The following LIPA variants were observed in gnomAD, a reference collection of about 807,000 sequenced individuals.
LIPA encodes the protein lipase A, lysosomal acid type.
Under a neutral mutation model 40.6 loss-of-function variants are expected in LIPA, and 26 were observed. The ratio of observed to expected loss-of-function variants is 0.64; its 90% CI spans 0.47 to 0.89. The LOEUF (loss-of-function observed/expected upper bound fraction) is 0.89, where lower values mean the gene tolerates loss of function less well. Ranked by LOEUF, LIPA falls within the 40% of genes least tolerant of loss-of-function variation. The pLI is 0.00. For synonymous variants in LIPA, 188 were observed against 168.4 expected, an observed-to-expected ratio of 1.12 and a Z score of -0.90; for missense variants, 455 against 479.6, an observed-to-expected ratio of 0.95 and a Z score of 0.48.
intron 1 of LIPA, among the ~76,000 whole-genome samples, chr10:89,323,152 ATG>A (rs1334205617): frequency 1.3e-5 from 2 of 152,236 alleles, no homozygotes; most frequent in Admixed American, 1.3e-4. Context: ...AAATCAATAA[ATG>A]TGATTCACCA....
At chr10:89,295,342 A>G (rs1244482156) in intron 1 of LIPA, among the ~76,000 whole-genome samples, 2 of 152,226 alleles carry the variant, frequency 1.3e-5, no homozygotes, top group African/African-American at 4.8e-5. Flanking sequence ...TTAAAAATAG[A>G]CTCAAAACAA....
At chr10:89,295,864 C>T (rs555611981) in intron 1 of LIPA, among the ~76,000 whole-genome samples, 1 of 152,284 alleles carries the variant, frequency 6.6e-6, no homozygotes, top group Admixed American at 6.5e-5. Context: ...TTTGCAATCA[C>T]ATTGCATGCA....
upstream of LIPA, among the ~76,000 whole-genome samples, chr10:89,346,007 C>T (rs117745566): frequency 7.9e-5 from 12 of 152,068 alleles, no homozygotes; most frequent in Non-Finnish European, 1.6e-4. Flanking sequence ...CTTTTAAGTG[C>T]CTTTGAGGCA....
At chr10:89,302,789 G>A (rs567397984) in intron 1 of LIPA, among the ~76,000 whole-genome samples, 1 of 152,240 alleles carries the variant, frequency 6.6e-6, no homozygotes, top group South Asian at 2.1e-4. Flanking sequence ...TGGAGAGGAA[G>A]TGTTAGCTCA....
At chr10:89,263,690 C>T (rs1843221474) in intron 1 of LIPA, among the ~76,000 whole-genome samples, 1 of 152,258 alleles carries the variant, frequency 6.6e-6, no homozygotes, top group South Asian at 2.1e-4. Flanking sequence ...GCTGTTGGCA[C>T]CTTTGCCTGA....
At chr10:89,404,029 CCT>C in intron 2 of LIPA, 1 of 198,318 alleles carries the variant, frequency 5.0e-6, no homozygotes, top group South Asian at 1.4e-4. Context: ...AAAATAAAAT[CCT>C]TAGCTCCTCC....
intron 1 of LIPA, among the ~76,000 whole-genome samples, chr10:89,320,959 C>A (rs1277673638): frequency 1.2e-4 from 18 of 151,900 alleles, no homozygotes; most frequent in East Asian, 5.8e-4. Context: ...CAAAAACAAG[C>A]AATGGGGAAA....
chr10:89,345,133 C>CTCCA (rs1275772580), upstream of LIPA, among the ~76,000 whole-genome samples: 4 of 151,762 alleles, frequency 2.6e-5, no homozygotes, highest in Non-Finnish European at 4.4e-5. Flanking sequence ...CACCACTGCA[C>CTCCA]TCCAGCCTGG....
At chr10:89,258,456 C>CT (rs1843191732) in intron 1 of LIPA, among the ~76,000 whole-genome samples, 1 of 151,984 alleles carries the variant, frequency 6.6e-6, no homozygotes, top group African/African-American at 2.4e-5. Context: ...AGTAAAATAA[C>CT]TTTTTTTTCT....
chr10:89,289,486 C>A (rs1029984917), intron 1 of LIPA, among the ~76,000 whole-genome samples: 1 of 152,204 alleles, frequency 6.6e-6, no homozygotes, highest in African/African-American at 2.4e-5. Flanking sequence ...AAACTAAAAT[C>A]CCTTTTGGTC....
Position 89,247,542 on chromosome 10 carries a change from T to C in LIPA, c.107A>G (p.Asn36Ser). The C allele has an allele frequency of 6.3e-7, 1 of 1,592,692 alleles. No homozygotes were observed. Among genetic ancestry groups the C allele is most frequent in the Non-Finnish European group, 8.6e-7 (1 of 1,160,512 alleles). Residue 36 changes from asparagine to serine, a missense_variant, in exon 2 of 10, where the codon AAT (asparagine) becomes AGT (serine). Coordinates refer to ENST00000336233, the MANE Select transcript of LIPA (RefSeq NM_000235.4). Reference protein sequence around the residue: ...LTAVDPETNMNVSEIISYWGF... With the variant: ...LTAVDPETNMSVSEIISYWGF... Reference sequence around the variant, plus strand: ...ACATAACTTTGAGAAACTTACCACATTCATGTTTGTTTCAGGATCCACAGC... The same window carrying C: ...ACATAACTTTGAGAAACTTACCACACTCATGTTTGTTTCAGGATCCACAGC...
intron 2 of LIPA, chr10:89,392,557 C>A: frequency 3.6e-6 from 2 of 562,546 alleles, no homozygotes; most frequent in Non-Finnish European, 6.1e-6. Flanking sequence ...CAAGGACACA[C>A]CCACAGCTTA....
At chr10:89,284,764 C>T (rs1024799122) in intron 1 of LIPA, among the ~76,000 whole-genome samples, 1 of 152,210 alleles carries the variant, frequency 6.6e-6, no homozygotes, top group Non-Finnish European at 1.5e-5. Flanking sequence ...TACCCTGTGA[C>T]CTGCACGTAT....
At chr10:89,383,376 T>C (rs1018832402) in intron 2 of LIPA, 9 of 1,614,238 alleles carry the variant, frequency 5.6e-6, no homozygotes, top group Non-Finnish European at 7.6e-6. Flanking sequence ...GATGTCACTT[T>C]ACATGGAAGT....
intron 1 of LIPA, chr10:89,332,357 C>T: frequency 1.4e-6 from 1 of 713,422 alleles, no homozygotes; most frequent in Non-Finnish European, 2.1e-6. Context: ...TGCCTTTTTA[C>T]AACTTTCAAA....
At chr10:89,353,951 A>AC (rs1242274446) in intron 2 of LIPA, among the ~76,000 whole-genome samples, 1 of 152,158 alleles carries the variant, frequency 6.6e-6, no homozygotes, top group African/African-American at 2.4e-5. Context: ...AAAAAAAAAA[A>AC]AGAATATAAA....
At chr10:89,233,622 G>A (rs930005583) in intron 3 of LIPA, among the ~76,000 whole-genome samples, 7 of 152,166 alleles carry the variant, frequency 4.6e-5, no homozygotes, top group South Asian at 2.1e-4. Context: ...ATGGCAGGCC[G>A]GGCACGGTGG....
At chr10:89,284,326 T>G (rs1276768217) in intron 1 of LIPA, 1 of 152,260 alleles carries the variant, frequency 6.6e-6, no homozygotes, top group African/African-American at 2.4e-5. Flanking sequence ...AGGCAGGGTT[T>G]CTCTGTGTCA....
intron 3 of LIPA, among the ~76,000 whole-genome samples, chr10:89,242,034 C>T (rs924706794): frequency 6.6e-6 from 1 of 152,050 alleles, no homozygotes; most frequent in African/African-American, 2.4e-5. Context: ...AAGAATTCTA[C>T]CTTGGAATCC....
Sources: allele counts gnomAD v4.1 joint callset (sites outside exome capture counted in the v4.1 genomes callset), GRCh38; gene constraint gnomAD v4.1.1; transcripts MANE v1.5; gene names NCBI Gene and HGNC (gene_info 2026-07-23, HGNC 2026-07-21).